The following BDNF variants were observed in gnomAD, a reference collection of about 807,000 sequenced individuals.
The protein encoded by BDNF is neurotrophic factor BDNF precursor form.
A neutral mutation model predicts 19.5 loss-of-function variants in BDNF; 1 was observed. The observed-to-expected ratio is 0.05, with a 90% CI of 0.02 to 0.24. BDNF has a LOEUF of 0.24. Ranked by LOEUF, BDNF falls within the 10% of genes least tolerant of loss-of-function variation. The pLI, the probability that BDNF is intolerant of heterozygous loss-of-function variation, is 1.00. For synonymous variants in BDNF, 100 were observed against 121.6 expected, an observed-to-expected ratio of 0.82 and a Z score of 1.17; for missense variants, 195 against 317.6, an observed-to-expected ratio of 0.61 and a Z score of 2.93.
At chr11:27,669,759 G>T (rs1267061971) in intron 1 of BDNF, among the ~76,000 whole-genome samples, 1 of 152,106 alleles carries the variant, frequency 6.6e-6, no homozygotes, top group Non-Finnish European at 1.5e-5. Context: ...AATAAAAGAG[G>T]ACGCAAACAA....
At chr11:27,719,604 C>A in intron 1 of BDNF, 2 of 984,450 alleles carry the variant, frequency 2.0e-6, no homozygotes, top group Non-Finnish European at 2.4e-6. Flanking sequence ...TCTAAGCCAG[C>A]GCCCGAAACT....
chr11:27,659,651 G>A (rs1179707309), intron 1 of BDNF: 42 of 971,860 alleles, frequency 4.3e-5, no homozygotes, highest in African/African-American at 1.3e-4. Context: ...GTGTGTGTGC[G>A]CGCGCGCGTG....
At chr11:27,673,235 A>C (rs1027086607) in intron 1 of BDNF, among the ~76,000 whole-genome samples, 1 of 148,504 alleles carries the variant, frequency 6.7e-6, no homozygotes, top group Non-Finnish European at 1.5e-5. Flanking sequence ...TCCAAGAATA[A>C]GCATGCTGTG....
chr11:27,674,469 A>T (rs1185195365), intron 1 of BDNF: 18 of 1,414,086 alleles, frequency 1.3e-5, no homozygotes, highest in Non-Finnish European at 1.7e-5. Context: ...GTTCATTTCA[A>T]CAGCACGAGT....
At chr11:27,670,215 G>A (rs1454578950) in intron 1 of BDNF, among the ~76,000 whole-genome samples, 1 of 152,164 alleles carries the variant, frequency 6.6e-6, no homozygotes, top group Non-Finnish European at 1.5e-5. Flanking sequence ...TATGTAGAAA[G>A]CTGAAACTGG....
At chr11:27,699,541 C>A in intron 1 of BDNF, 1 of 1,588,664 alleles carries the variant, frequency 6.3e-7, no homozygotes, top group South Asian at 1.1e-5. Flanking sequence ...TCGGCCTGCC[C>A]GAGAGTGTCG....
upstream of BDNF, chr11:27,701,590 C>A: frequency 1.0e-6 from 1 of 986,706 alleles, no homozygotes; most frequent in Non-Finnish European, 1.2e-6. Context: ...CCGGGGGGAG[C>A]GGCAGCGAGA....
chr11:27,665,813 C>T (rs539637577), intron 1 of BDNF, among the ~76,000 whole-genome samples: 2 of 152,292 alleles, frequency 1.3e-5, no homozygotes, highest in Admixed American at 1.3e-4. Flanking sequence ...AGGAGGCCTG[C>T]CTGCCTCTGT....
intron 1 of BDNF, among the ~76,000 whole-genome samples, chr11:27,710,118 G>A (rs1039833765): frequency 6.6e-6 from 1 of 152,168 alleles, no homozygotes; most frequent in African/African-American, 2.4e-5. Flanking sequence ...GCTCTGGGAC[G>A]TATCAAATCC....
intron 1 of BDNF, 134 bp downstream of exon 1, chr11:27,700,030 G>T (rs1248217924): frequency 2.4e-6 from 2 of 848,832 alleles, no homozygotes; most frequent in Non-Finnish European, 2.8e-6. Context: ...ACTCCAAATC[G>T]TCCCTTCTAC....
intron 1 of BDNF, among the ~76,000 whole-genome samples, chr11:27,712,833 G>A (rs1177938634): frequency 6.6e-6 from 1 of 151,524 alleles, no homozygotes; most frequent in Non-Finnish European, 1.5e-5. Context: ...ACATTTTTAT[G>A]AGAAGGGTTT....
chr11:27,692,765 C>A (rs1459348498), intron 1 of BDNF, among the ~76,000 whole-genome samples: 3 of 152,150 alleles, frequency 2.0e-5, no homozygotes, highest in Admixed American at 6.6e-5. Flanking sequence ...AAATTTACAT[C>A]ATTGGTTCTA....
chr11:27,671,943 AG>A (rs1170451944), intron 1 of BDNF, among the ~76,000 whole-genome samples: 1 of 152,212 alleles, frequency 6.6e-6, no homozygotes, highest in East Asian at 1.9e-4. Flanking sequence ...AGGAAATAAA[AG>A]GTTGAAGTTA....
intron 1 of BDNF, among the ~76,000 whole-genome samples, chr11:27,684,481 T>G (rs1353603090): frequency 1.3e-5 from 2 of 152,230 alleles, no homozygotes; most frequent in African/African-American, 4.8e-5. Flanking sequence ...TTTGTGCCGG[T>G]TTTCAAATGA....
At position 27,658,756 on chromosome 11, in the gene BDNF, G is replaced by A. The variant is rs1590219707; in HGVS notation, c.-21-171C>T. On this transcript the variant is annotated intron_variant, in intron 1 of 1. Transcript: ENST00000356660. The surrounding 1 kb of genome is among the most constrained non-coding windows in gnomAD (Gnocchi z 5.7). Reference sequence around the variant, plus strand: ...AGACACAAATCAGTGTCAGTAGTGTGCTGTATGTGGTTTAATATAAACCAG... The same window carrying A: ...AGACACAAATCAGTGTCAGTAGTGTACTGTATGTGGTTTAATATAAACCAG... 6 of 1,503,438 alleles carry A rather than the reference G, an allele frequency of 4.0e-6. No homozygotes were observed. In the East Asian group the frequency reaches 1.5e-4, roughly 37 times the overall value. 93.1% of individuals were successfully genotyped at this position (1,503,438 alleles called of 1,614,324 possible).
At chr11:27,659,980 A>G (rs1853200571) in intron 1 of BDNF, among the ~76,000 whole-genome samples, 1 of 152,224 alleles carries the variant, frequency 6.6e-6, no homozygotes, top group Non-Finnish European at 1.5e-5. Context: ...TGTGTTTCTC[A>G]GCAGCAAAGA....
intron 1 of BDNF, among the ~76,000 whole-genome samples, chr11:27,663,631 G>C (rs1853815455): frequency 1.3e-5 from 2 of 152,192 alleles, no homozygotes; most frequent in Admixed American, 6.5e-5. Flanking sequence ...TTATGCGTCA[G>C]AGAGGTTAGG....
At chr11:27,705,258 G>A (rs1335437146), upstream of BDNF, among the ~76,000 whole-genome samples, 5 of 152,184 alleles carry the variant, frequency 3.3e-5, no homozygotes, top group Admixed American at 6.5e-5. Context: ...AGAGCTGACA[G>A]TAATAAATAG....
At chr11:27,720,584 G>A in intron 1 of BDNF, 2 of 985,684 alleles carry the variant, frequency 2.0e-6, no homozygotes, top group Non-Finnish European at 2.4e-6. Context: ...CCGAACCTCA[G>A]AAAAGACGCT....
Sources: allele counts gnomAD v4.1 joint callset (sites outside exome capture counted in the v4.1 genomes callset), GRCh38; gene constraint gnomAD v4.1.1; non-coding constraint Gnocchi (gnomAD v3.1); transcripts MANE v1.5; gene names NCBI Gene and HGNC (gene_info 2026-07-23, HGNC 2026-07-21).